Variants in GK5 observed in about 807,000 individuals in gnomAD.
GK5 encodes the protein glycerol kinase 5.
A neutral mutation model predicts 77.3 loss-of-function variants in GK5; 39 were observed. The observed-to-expected ratio is 0.50, with a 90% CI of 0.39 to 0.66. The LOEUF is 0.66. Among genes scored for constraint, GK5 ranks in the 30% least tolerant of loss-of-function variants. The pLI is 0.00. For synonymous variants in GK5, 211 were observed against 208.0 expected (o/e 1.01, Z -0.13); for missense variants, 487 against 633.8 (o/e 0.77, Z 2.49).
At chr3:142,189,887 A>G (rs527860945) in intron 5 of GK5, among the ~76,000 whole-genome samples, 1 of 152,354 alleles carries the variant, frequency 6.6e-6, no homozygotes, top group South Asian at 2.1e-4. Context: ...TAAGGCTCTC[A>G]AATTCTACAC....
intron 4 of GK5, among the ~76,000 whole-genome samples, chr3:142,201,592 G>A (rs9814627): frequency 0.63 from 95,691 of 151,892 alleles, 30,849 homozygotes; most frequent in African/African-American, 0.76. Context: ...GCTCCTGGAT[G>A]CATGAACCTA....
rs144283355 is a variant in GK5 at position 142,192,664 on chromosome 3, T to C, written c.544-4885A>G. ...CTGTAATCTCAGCTACTTGGGAGGCTGAAGCAGGAGAATTGCTTGGACCTG... is the reference window on the plus strand; with the variant it reads ...CTGTAATCTCAGCTACTTGGGAGGCCGAAGCAGGAGAATTGCTTGGACCTG... On this transcript the variant is annotated intron_variant, in intron 5 of 15. Coordinates refer to ENST00000392993, the MANE Select transcript of GK5 (RefSeq NM_001039547.3). Among the ~76,000 whole-genome samples the C allele has an allele frequency of 6.4e-3, 973 of 151,164 alleles. 9 individuals carry two copies. The highest frequency in any genetic ancestry group is 0.022 in the African/African-American group (903 of 41,088).
At chr3:142,202,802 C>T (rs2064046892) in intron 4 of GK5, among the ~76,000 whole-genome samples, 1 of 152,086 alleles carries the variant, frequency 6.6e-6, no homozygotes, top group Non-Finnish European at 1.5e-5. Flanking sequence ...ACTAAAAACA[C>T]AAAAATTAGC....
At chr3:142,222,205 T>A (rs1230131718) in intron 1 of GK5, among the ~76,000 whole-genome samples, 1 of 152,202 alleles carries the variant, frequency 6.6e-6, no homozygotes, top group Non-Finnish European at 1.5e-5. Context: ...ACCAACAAGA[T>A]CCTTGTTCCC....
At chr3:142,184,921 C>T (rs2063748006) in intron 9 of GK5, 1 of 985,466 alleles carries the variant, frequency 1.0e-6, no homozygotes, top group Non-Finnish European at 1.2e-6. Flanking sequence ...ATACCTTAAT[C>T]TAACCCTGCA....
At chr3:142,170,301 C>A in intron 15 of GK5, 24 bp downstream of exon 15, 5 of 1,612,306 alleles carry the variant, frequency 3.1e-6, no homozygotes, top group Non-Finnish European at 3.4e-6. Context: ...AGAAAACTCT[C>A]ATTCTTATAA....
rs1264615997 is a variant in GK5, at chr3:142,225,534, G to A, written c.-79C>T. ...AATCCCAATGCTCCAGAGTCCCCGG[G>A]CGGCCCAACCCGGGCCCCAACCCGG... On this transcript the variant is annotated 5_prime_UTR_variant, in exon 1 of 16. Coordinates refer to ENST00000392993, the MANE Select transcript of GK5 (RefSeq NM_001039547.3). 2.0e-6 allele frequency: 3 copies of A among 1,518,912 alleles called. No homozygotes were observed. Among genetic ancestry groups the A allele is most frequent in the Admixed American group, 4.0e-5 (2 of 49,844 alleles). 94.1% of individuals were successfully genotyped at this position (1,518,912 alleles called of 1,614,324 possible). A position where few individuals can be genotyped will look rare whatever the true frequency, so the allele number is the denominator to read the frequency against.
At chr3:142,223,032 A>AT (rs1331420753) in intron 1 of GK5, among the ~76,000 whole-genome samples, 2 of 152,086 alleles carry the variant, frequency 1.3e-5, no homozygotes, top group African/African-American at 2.4e-5. Flanking sequence ...AAGAGCAGGC[A>AT]TTTTTTTTGT....
At chr3:142,171,397 A>T in intron 14 of GK5, 22 bp downstream of exon 14, 1 of 1,468,810 alleles carries the variant, frequency 6.8e-7, no homozygotes, top group African/African-American at 1.4e-5. Context: ...AATTAAGTCT[A>T]TTAGAAATAA....
At chr3:142,220,242 TCTC>T (rs1361883868) in intron 1 of GK5, among the ~76,000 whole-genome samples, 25 of 152,112 alleles carry the variant, frequency 1.6e-4, no homozygotes, top group Middle Eastern at 3.2e-3. Flanking sequence ...GGTTCACACT[TCTC>T]CTGCCTCAGC....
At chr3:142,208,888 G>T (rs745692591) in intron 3 of GK5, among the ~76,000 whole-genome samples, 1 of 152,174 alleles carries the variant, frequency 6.6e-6, no homozygotes, top group African/African-American at 2.4e-5. Context: ...GGTGGCTCAC[G>T]CCTGTAATCC....
chr3:142,207,769 C>T (rs970053027), intron 3 of GK5, among the ~76,000 whole-genome samples: 3 of 152,190 alleles, frequency 2.0e-5, no homozygotes, highest in Admixed American at 6.5e-5. Flanking sequence ...TCTATTATTT[C>T]TCAACCTGCT....
intron 2 of GK5, among the ~76,000 whole-genome samples, chr3:142,214,827 GT>G (rs746081620): frequency 6.6e-6 from 1 of 152,170 alleles, no homozygotes; most frequent in Non-Finnish European, 1.5e-5. Flanking sequence ...TAATTGCATT[GT>G]GGTTATAGGA....
chr3:142,200,359 G>A (rs554995825), intron 4 of GK5, among the ~76,000 whole-genome samples: 12 of 152,156 alleles, frequency 7.9e-5, no homozygotes, highest in African/African-American at 2.9e-4. Flanking sequence ...GTAGAGATGG[G>A]GTTTCACCAT....
chr3:142,203,628 G>A (rs1467105406), intron 4 of GK5, among the ~76,000 whole-genome samples: 1 of 152,128 alleles, frequency 6.6e-6, no homozygotes, highest in African/African-American at 2.4e-5. Flanking sequence ...GAAAAAATTA[G>A]CTGGGCGTGG....
chr3:142,181,898 T>G (rs1363705473), intron 10 of GK5, among the ~76,000 whole-genome samples: 1 of 152,222 alleles, frequency 6.6e-6, no homozygotes, highest in African/African-American at 2.4e-5. Context: ...CATGTCTACA[T>G]CTCTAGAAAT....
intron 3 of GK5, among the ~76,000 whole-genome samples, chr3:142,211,334 T>C (rs998507518): frequency 3.3e-5 from 5 of 152,184 alleles, no homozygotes; most frequent in Non-Finnish European, 7.3e-5. Context: ...AGATACCTTA[T>C]CTGTACAGGT....
chr3:142,193,798 T>C (rs1337222301), intron 5 of GK5, among the ~76,000 whole-genome samples: 1 of 152,166 alleles, frequency 6.6e-6, no homozygotes, highest in Non-Finnish European at 1.5e-5. Context: ...TGGAGTGCAA[T>C]GGTGTGATCT....
intron 3 of GK5, among the ~76,000 whole-genome samples, chr3:142,212,768 A>G (rs1467785723): frequency 1.3e-5 from 2 of 151,272 alleles, no homozygotes; most frequent in South Asian, 2.1e-4. Context: ...TACAGTAGCT[A>G]TTACAATATT....
Sources: allele counts gnomAD v4.1 joint callset (sites outside exome capture counted in the v4.1 genomes callset), GRCh38; gene constraint gnomAD v4.1.1; transcripts MANE v1.5; gene names NCBI Gene and HGNC (gene_info 2026-07-23, HGNC 2026-07-21).